TMEM145: variants seen among roughly 807,000 people sequenced by gnomAD.
The protein encoded by TMEM145 is transmembrane protein 145.
TMEM145 carries 46 observed loss-of-function variants against 68.5 expected under a neutral mutation model. The ratio of observed to expected loss-of-function variants is 0.67; its 90% CI spans 0.53 to 0.86. The LOEUF (loss-of-function observed/expected upper bound fraction) is 0.86, where lower values mean the gene tolerates loss of function less well. TMEM145 is among the 40% of genes least tolerant of loss of function. The probability of loss-of-function intolerance (pLI) is 0.00; values close to 1 mark genes in which losing one functional copy is unlikely to be tolerated. For synonymous variants in TMEM145, 255 were observed against 280.2 expected (o/e 0.91, Z 0.90); for missense variants, 570 against 645.8 (o/e 0.88, Z 1.27).
chr19:42,323,882 C>G, intron 14 of TMEM145, 93 bp downstream of exon 14: 1 of 1,173,006 alleles, frequency 8.5e-7, no homozygotes, highest in Non-Finnish European at 1.2e-6. Flanking sequence ...CCCCAGCGCC[C>G]GGACCCCTGA....
rs2038959407 is a variant in TMEM145 at position 42,325,061 on chromosome 19, A to G, written c.*244A>G. 2.0e-6 allele frequency: 1 copy of G among 491,518 alleles called. No homozygotes were observed. Among genetic ancestry groups the G allele is most frequent in the Non-Finnish European group, 3.2e-6 (1 of 315,736 alleles). 30.4% of individuals were successfully genotyped at this position (491,518 alleles called of 1,614,324 possible). A position where few individuals can be genotyped will look rare whatever the true frequency, so the allele number is the denominator to read the frequency against. ...AATAAAAAAGGATTCGTTTTTATCTATAACATGGCTTCTTTTGCATCTTGA... is the reference window on the plus strand; with the variant it reads ...AATAAAAAAGGATTCGTTTTTATCTGTAACATGGCTTCTTTTGCATCTTGA... On this transcript the variant is annotated 3_prime_UTR_variant, in exon 15 of 15. Coordinates refer to ENST00000301204, the MANE Select transcript of TMEM145 (RefSeq NM_173633.3).
chr19:42,315,757 C>T (rs1298631131), intron 8 of TMEM145, among the ~76,000 whole-genome samples: 1 of 151,654 alleles, frequency 6.6e-6, no homozygotes, highest in African/African-American at 2.4e-5. Flanking sequence ...CTAGGCTGGA[C>T]ACGGTGGCTC....
intron 8 of TMEM145, 109 bp downstream of exon 8, chr19:42,315,549 A>G (rs1599978643): frequency 3.3e-6 from 3 of 910,380 alleles, no homozygotes; most frequent in Non-Finnish European, 3.2e-6. Flanking sequence ...GTCCTGGGGG[A>G]GGAGGGGCTG....
At chr19:42,316,839 C>G in intron 10 of TMEM145, 31 bp from the exon 11 acceptor site, 1 of 1,612,108 alleles carries the variant, frequency 6.2e-7, no homozygotes, top group Non-Finnish European at 8.5e-7. Context: ...CGGCCCCCAC[C>G]CTGCTGTCTC....
chr19:42,315,170 C>CAGG lies in TMEM145; in HGVS notation c.506-18_506-17insAGG. ...ACATCCACCTGAATGAACCTTACTC[C>CAGG]TCCTACCAAATCGGCAGGGATCCTG... On this transcript the variant is annotated splice_polypyrimidine_tract_variant and intron_variant, in intron 6 of 14. Transcript: ENST00000301204. The CAGG allele has an allele frequency of 6.2e-7, 1 of 1,612,664 alleles. No individual in the cohort carries two copies. The highest frequency in any genetic ancestry group is 8.5e-7 in the Non-Finnish European group (1 of 1,178,840).
intron 13 of TMEM145, 123 bp from the exon 14 acceptor site, chr19:42,323,460 G>C: frequency 1.1e-6 from 1 of 922,718 alleles, no homozygotes; most frequent in Non-Finnish European, 1.7e-6. Flanking sequence ...CTAATCCAGT[G>C]TGAATGGCTT....
At position 42,313,579 on chromosome 19, in the gene TMEM145, C is replaced by A; in HGVS notation, c.120+83C>A. ...CGAGGGGAGCGGGTACCGCCTCGCCCCCTGCCGCCCCTCCTGGCGGACTCC... is the reference window on the plus strand; with the variant it reads ...CGAGGGGAGCGGGTACCGCCTCGCCACCTGCCGCCCCTCCTGGCGGACTCC... On this transcript the variant is annotated intron_variant, in intron 1 of 14. Coordinates refer to ENST00000301204, the MANE Select transcript of TMEM145 (RefSeq NM_173633.3). This position sits in a 1 kb window ranked among gnomAD's most constrained non-coding sequence, Gnocchi z 5.1. The A allele has an allele frequency of 1.9e-6, 2 of 1,063,682 alleles. No individual in the cohort carries two copies. Among genetic ancestry groups the A allele is most frequent in the Non-Finnish European group, 2.4e-6 (2 of 829,032 alleles). The allele number at this position is 1,063,682 out of a possible 1,614,324, so 65.9% of individuals were successfully genotyped here.
chr19:42,317,643 G>T, intron 11 of TMEM145, 66 bp from the exon 12 acceptor site: 1 of 1,549,260 alleles, frequency 6.5e-7, no homozygotes, highest in East Asian at 2.3e-5. Flanking sequence ...GCCCAGGGGT[G>T]GGGTCCGGGG....
Position 42,320,377 on chromosome 19 carries a change from G to T in TMEM145, c.1134G>T (p.Arg378=). 1 of 1,614,170 alleles carries T rather than the reference G, an allele frequency of 6.2e-7. No homozygotes were observed. ...ATTTCGGCATCCCCAAGTGGGCCCG[G>T]GAGAAGATTGTCAATGGCATCCAGC... ...IANFGIPKWA[R]EKIVNGIQLG... The change falls in exon 13 of 15, where the codon CGG becomes CGT. Residue 378 remains arginine (R), a synonymous_variant. Transcript: ENST00000301204.
In TMEM145 at chr19:42,316,688, C is replaced by G; in HGVS notation, c.754C>G (p.Leu252Val). The G allele has an allele frequency of 6.2e-7, 1 of 1,613,756 alleles. No individual in the cohort carries two copies. The highest frequency in any genetic ancestry group is 8.5e-7 in the Non-Finnish European group (1 of 1,180,000). The change falls in exon 10 of 15, where the codon CTC (leucine) becomes GTC (valine). Residue 252 changes from leucine to valine, a missense_variant. Coordinates refer to ENST00000301204, the MANE Select transcript of TMEM145 (RefSeq NM_173633.3). ...LAKLLFSSSFLIFLLMLILLG... is the reference protein window; with the variant it reads ...LAKLLFSSSFVIFLLMLILLG... ...CAAGCTGCTCTTCTCCTCCAGCTTCCTCATCTTCCTGCTGATGCTTATCCT... is the reference window on the plus strand; with the variant it reads ...CAAGCTGCTCTTCTCCTCCAGCTTCGTCATCTTCCTGCTGATGCTTATCCT...
chr19:42,320,456 G>T lies in TMEM145; in HGVS notation c.1194+19G>T, dbSNP rs200550655. 1.1e-4 allele frequency: 178 copies of T among 1,612,834 alleles called. No individual in the cohort carries two copies. The highest frequency in any genetic ancestry group is 1.4e-4 in the Non-Finnish European group (164 of 1,179,710). On this transcript the variant is annotated intron_variant, in intron 13 of 14. Transcript: ENST00000301204. ...GTTTCTGGTGAGGATGGGCATCTGT[G>T]GGGGGTGGAGGGGAGGACCCGAGGG...
chr19:42,324,270 C>T, intron 14 of TMEM145: 1 of 985,272 alleles, frequency 1.0e-6, no homozygotes, highest in South Asian at 4.7e-5. Flanking sequence ...CCCTGACCCC[C>T]CTCCCAGGCC....
At chr19:42,315,566 T>G in intron 8 of TMEM145, 126 bp downstream of exon 8, 1 of 959,068 alleles carries the variant, frequency 1.0e-6, no homozygotes, top group East Asian at 2.9e-5. Context: ...GCTGGGGGCC[T>G]GGACTCCTGG....
At position 42,313,976 on chromosome 19, in the gene TMEM145, A is replaced by G. The variant is rs566521337; in HGVS notation, c.121-296A>G. On this transcript the variant is annotated intron_variant, in intron 1 of 14. Coordinates refer to ENST00000301204, the MANE Select transcript of TMEM145 (RefSeq NM_173633.3). The surrounding 1 kb of genome is among the most constrained non-coding windows in gnomAD (Gnocchi z 5.1). ...ATATTGGCCAGGACATGAGGTGGCC[A>G]GGATGAGCATCTGGCCCCTAAGGTC... 6.6e-6 allele frequency among the ~76,000 whole-genome samples: 1 copy of G among 152,084 alleles called. No individual in the cohort carries two copies. Among genetic ancestry groups the G allele is most frequent in the South Asian group, 2.1e-4 (1 of 4,812 alleles).
intron 12 of TMEM145, among the ~76,000 whole-genome samples, chr19:42,319,125 AC>A (rs1168756009): frequency 6.6e-6 from 1 of 152,098 alleles, no homozygotes; most frequent in East Asian, 1.9e-4. Flanking sequence ...AAACAAAAAA[AC>A]ACCCAAAACT....
At chr19:42,321,366 C>T in intron 13 of TMEM145, 1 of 384,148 alleles carries the variant, frequency 2.6e-6, no homozygotes, top group African/African-American at 2.1e-5. Context: ...CAGGAGCACG[C>T]CACCATGCCC....
At position 42,323,636 on chromosome 19, in the gene TMEM145, G is replaced by A. The variant is rs754410241; in HGVS notation, c.1248G>A (p.Thr416=). The A allele has an allele frequency of 1.2e-6, 2 of 1,614,054 alleles. No homozygotes were observed. The highest frequency in any genetic ancestry group is 1.7e-5 in the Admixed American group (1 of 60,010). ...AGAACTTCCCGTACCACGTGCGCAC[G>A]TCGCAGATCGCTTCAGCCGGAGTCC... ...ANKNFPYHVR[T]SQIASAGVPG... is the part of the protein sequence containing the mutation. The change falls in exon 14 of 15, where the codon ACG becomes ACA. Residue 416 remains threonine, a synonymous_variant. Coordinates refer to ENST00000301204, the MANE Select transcript of TMEM145 (RefSeq NM_173633.3).
intron 10 of TMEM145, 43 bp from the exon 11 acceptor site, chr19:42,316,827 G>T (rs758886436): frequency 6.2e-7 from 1 of 1,611,062 alleles, no homozygotes. Context: ...CCTCCTCCCT[G>T]ACGGCCCCCA....
chr19:42,317,914 C>T, intron 12 of TMEM145, 33 bp downstream of exon 12: 4 of 1,612,046 alleles, frequency 2.5e-6, no homozygotes, highest in Non-Finnish European at 3.4e-6. Context: ...CTGTCCCTGC[C>T]TCCCTCTCGG....
Sources: gnomAD v4.1 joint callset for allele counts (sites outside exome capture counted in the v4.1 genomes callset) on GRCh38, gnomAD v4.1.1 for gene constraint, Gnocchi (gnomAD v3.1) non-coding constraint, MANE v1.5 for transcripts, NCBI Gene and HGNC (gene_info 2026-07-23, HGNC 2026-07-21) for gene names.